Variants in M1AP observed in about 807,000 individuals in gnomAD.
The protein encoded by M1AP is meiosis 1 associated protein, also known as meiosis 1 arrest protein.
Under a neutral mutation model 51.2 loss-of-function variants are expected in M1AP, and 39 were observed. The ratio of observed to expected loss-of-function variants is 0.76; its 90% CI spans 0.59 to 1.00. The LOEUF (loss-of-function observed/expected upper bound fraction) is 1.00. Among genes scored for constraint, M1AP ranks in the 50% least tolerant of loss-of-function variants. The probability of loss-of-function intolerance (pLI) is 0.00; values close to 1 mark genes in which losing one functional copy is unlikely to be tolerated. For synonymous variants in M1AP, 251 were observed against 249.2 expected, an observed-to-expected ratio of 1.01 and a Z score of -0.07; for missense variants, 545 against 641.2, an observed-to-expected ratio of 0.85 and a Z score of 1.62.
chr2:74,604,862 T>C (rs1005966911), intron 4 of M1AP, among the ~76,000 whole-genome samples: 4 of 152,178 alleles, frequency 2.6e-5, no homozygotes, highest in African/African-American at 9.7e-5. Flanking sequence ...GAAAGATCAC[T>C]ACGTAGGACC....
chr2:74,584,213 A>C (rs1319182631), intron 4 of M1AP, among the ~76,000 whole-genome samples: 1 of 152,204 alleles, frequency 6.6e-6, no homozygotes, highest in Non-Finnish European at 1.5e-5. Flanking sequence ...TCTAAGCCTG[A>C]AGCCTGTACT....
intron 4 of M1AP, among the ~76,000 whole-genome samples, chr2:74,599,537 G>A (rs1680549524): frequency 6.6e-6 from 1 of 152,036 alleles, no homozygotes; most frequent in South Asian, 2.1e-4. Flanking sequence ...GCTCTGCCAT[G>A]TCAGCCAAGC....
At position 74,581,718 on chromosome 2, in the gene M1AP, G is replaced by A. The variant is rs1679414559; in HGVS notation, c.725C>T (p.Ser242Phe). ...TDQEQIHLLL[S>F]SQCFSNISRP... ...GGAAATGTTGCTGAAACACTGTGAA[G>A]AAAGAAGAAGATGGATTTGTTCTTG... Residue 242 changes from serine (S) to phenylalanine (F), a missense_variant, in exon 5 of 11, where the codon TCT (serine) becomes TTT (phenylalanine). By Grantham distance (155) the Ser-to-Phe change is radical. Coordinates refer to ENST00000421985, the MANE Select transcript of M1AP (RefSeq NM_001321739.2). 1 of 1,613,954 alleles carries A rather than the reference G, an allele frequency of 6.2e-7. No homozygotes were observed. The highest frequency in any genetic ancestry group is 8.5e-7 in the Non-Finnish European group (1 of 1,179,956).
chr2:74,576,580 G>T lies in M1AP; in HGVS notation c.808C>A (p.Pro270Thr), dbSNP rs759545535. 1.9e-6 allele frequency: 3 copies of T among 1,614,102 alleles called. No homozygotes were observed. The South Asian group carries it at 3.3e-5, about 18-fold the overall frequency. Reference protein sequence around the residue: ...KCDLQERLLCPSLLAGTADGS... With the variant: ...KCDLQERLLCTSLLAGTADGS... ...TCAGCTGTGCCAGCGAGTAGGGATG[G>T]GCAGAGCAGTCGCTCTTGGAGATCA... is the stretch of plus-strand genomic sequence containing the variant. The change falls in exon 6 of 11, where the codon CCA becomes ACA. Residue 270 changes from proline to threonine, a missense_variant. Coordinates refer to ENST00000421985, the MANE Select transcript of M1AP (RefSeq NM_001321739.2).
chr2:74,647,254 C>A, intron 1 of M1AP: 1 of 985,306 alleles, frequency 1.0e-6, no homozygotes, highest in Non-Finnish European at 1.2e-6. Flanking sequence ...CCCTCCCCTG[C>A]CCGCACCCCG....
intron 4 of M1AP, among the ~76,000 whole-genome samples, chr2:74,588,689 G>T (rs1679860215): frequency 6.6e-6 from 1 of 152,194 alleles, no homozygotes; most frequent in Non-Finnish European, 1.5e-5. Flanking sequence ...TGTGAACTCA[G>T]GGCAGAGAGG....
chr2:74,576,430 A>G, intron 6 of M1AP, 26 bp downstream of exon 6: 1 of 1,611,470 alleles, frequency 6.2e-7, no homozygotes, highest in African/African-American at 1.3e-5. Context: ...ATTTGCATGG[A>G]TTGGGGAGGT....
chr2:74,613,868 A>C (rs1039956025), intron 3 of M1AP, among the ~76,000 whole-genome samples: 2 of 152,208 alleles, frequency 1.3e-5, no homozygotes, highest in Non-Finnish European at 2.9e-5. Context: ...AGCTCAGTGC[A>C]ACTTTGAACT....
At chr2:74,586,854 T>C (rs905759388) in intron 4 of M1AP, among the ~76,000 whole-genome samples, 3 of 151,920 alleles carry the variant, frequency 2.0e-5, no homozygotes, top group Admixed American at 2.0e-4. Flanking sequence ...TACAAAAAAT[T>C]AGCCAGGTGT....
At chr2:74,590,212 G>A (rs968118409) in intron 4 of M1AP, among the ~76,000 whole-genome samples, 1 of 152,134 alleles carries the variant, frequency 6.6e-6, no homozygotes, top group African/African-American at 2.4e-5. Flanking sequence ...TCAAGGTGCT[G>A]GCAGATTCAA....
chr2:74,592,083 A>G (rs969969254), intron 4 of M1AP, among the ~76,000 whole-genome samples: 2 of 152,088 alleles, frequency 1.3e-5, no homozygotes, highest in Admixed American at 6.5e-5. Context: ...GATTACAGGC[A>G]TAAGTCACTG....
chr2:74,648,011 G>T (rs1558707543), intron 1 of M1AP: 8 of 985,526 alleles, frequency 8.1e-6, no homozygotes, highest in Non-Finnish European at 9.6e-6. Context: ...TCGGGCCTGG[G>T]GGCCCCGCGG....
At chr2:74,636,806 T>G (rs1200117304) in intron 2 of M1AP, among the ~76,000 whole-genome samples, 3 of 152,154 alleles carry the variant, frequency 2.0e-5, no homozygotes, top group Non-Finnish European at 4.4e-5. Flanking sequence ...CTCAAACTCC[T>G]GGGCTCAAGT....
intron 2 of M1AP, among the ~76,000 whole-genome samples, chr2:74,625,141 T>C (rs1682292585): frequency 6.6e-6 from 1 of 152,182 alleles, no homozygotes; most frequent in Non-Finnish European, 1.5e-5. Flanking sequence ...AAGTGACATC[T>C]CTGCATATTT....
intron 2 of M1AP, among the ~76,000 whole-genome samples, chr2:74,638,987 AG>A (rs1683138776): frequency 6.6e-6 from 1 of 152,232 alleles, no homozygotes; most frequent in South Asian, 2.1e-4. Context: ...ACCCAGCCTA[AG>A]TAACAATGCA....
At chr2:74,636,100 GATCA>G (rs1169848604) in intron 2 of M1AP, among the ~76,000 whole-genome samples, 2 of 151,726 alleles carry the variant, frequency 1.3e-5, no homozygotes, top group Admixed American at 6.6e-5. Context: ...TCTTCTTTTA[GATCA>G]ATCAATTTTT....
At chr2:74,647,771 G>A (rs183767297) in intron 1 of M1AP, among the ~76,000 whole-genome samples, 1 of 152,312 alleles carries the variant, frequency 6.6e-6, no homozygotes, top group Non-Finnish European at 1.5e-5. Context: ...GCGGGAGCCT[G>A]TAATTCCAGC....
At position 74,640,221 on chromosome 2, in the gene M1AP, G is replaced by T. The variant is rs1683212485; in HGVS notation, c.55C>A (p.Gln19Lys). 1 of 1,613,994 alleles carries T rather than the reference G, an allele frequency of 6.2e-7. No individual in the cohort carries two copies. Residue 19 changes from glutamine (Q) to lysine (K), a missense_variant, in exon 2 of 11, where the codon CAG becomes AAG. Transcript: ENST00000421985. ...KGPSTHTQIDQQPPRLLIVHI... is the reference protein window; with the variant it reads ...KGPSTHTQIDKQPPRLLIVHI... ...ACAATGAGAAGCCGTGGAGGTTGCT[G>T]GTCAATCTGAGTGTGAGTAGAGGGC... is the stretch of plus-strand genomic sequence containing the variant.
At chr2:74,588,589 C>T (rs1278111285) in intron 4 of M1AP, among the ~76,000 whole-genome samples, 1 of 152,134 alleles carries the variant, frequency 6.6e-6, no homozygotes, top group African/African-American at 2.4e-5. Flanking sequence ...AGCTCATTTG[C>T]CTCATTTGTG....
Sources: gnomAD v4.1 joint callset for allele counts (sites outside exome capture counted in the v4.1 genomes callset) on GRCh38, gnomAD v4.1.1 for gene constraint, MANE v1.5 for transcripts, NCBI Gene and HGNC (gene_info 2026-07-23, HGNC 2026-07-21) for gene names.